Variants in USO1 observed in about 807,000 individuals in gnomAD.
USO1 encodes the protein USO1 vesicle transport factor.
Under a neutral mutation model 124.5 loss-of-function variants are expected in USO1, and 57 were observed. The observed-to-expected ratio is 0.46, with a 90% CI of 0.37 to 0.57. The LOEUF (loss-of-function observed/expected upper bound fraction) is 0.57, where lower values mean the gene tolerates loss of function less well. USO1 is among the 20% of genes least tolerant of loss of function. The pLI, the probability that USO1 is intolerant of heterozygous loss-of-function variation, is 0.00. For synonymous variants in USO1, 369 were observed against 362.8 expected (o/e 1.02, Z -0.19); for missense variants, 900 against 1,040.6 (o/e 0.86, Z 1.86).
intron 17 of USO1, among the ~76,000 whole-genome samples, chr4:75,801,461 C>T (rs1722850014): frequency 6.6e-6 from 1 of 152,178 alleles, no homozygotes; most frequent in Non-Finnish European, 1.5e-5. Flanking sequence ...TCCAGGATAC[C>T]AGTGAACTTT....
intron 1 of USO1, among the ~76,000 whole-genome samples, chr4:75,750,761 G>T (rs946505713): frequency 6.6e-5 from 10 of 152,106 alleles, no homozygotes; most frequent in African/African-American, 2.4e-4. Flanking sequence ...GAGATTACAG[G>T]TGTGAGCCAC....
chr4:75,810,347 T>G, intron 21 of USO1, 85 bp from the exon 22 acceptor site: 14 of 1,410,982 alleles, frequency 9.9e-6, no homozygotes, highest in Non-Finnish European at 1.3e-5. Flanking sequence ...AATATCAAAA[T>G]GGCAAAAAAA....
chr4:75,799,531 T>C, intron 13 of USO1, 91 bp from the exon 14 acceptor site: 1 of 1,436,062 alleles, frequency 7.0e-7, no homozygotes, highest in African/African-American at 1.4e-5. Context: ...GTTAAAGTTC[T>C]TTTCATGCAA....
intron 1 of USO1, among the ~76,000 whole-genome samples, chr4:75,726,281 C>G (rs866250886): frequency 1.3e-5 from 1 of 75,508 alleles, no homozygotes; most frequent in Non-Finnish European, 2.7e-5. Context: ...AACTCTGTCT[C>G]AAAAAAAAAA....
chr4:75,745,815 G>A (rs1332507099), intron 1 of USO1, among the ~76,000 whole-genome samples: 6 of 152,014 alleles, frequency 3.9e-5, no homozygotes, highest in Non-Finnish European at 5.9e-5. Flanking sequence ...TGAGAGAATC[G>A]CTTGAATCCA....
chr4:75,805,145 G>C lies in USO1; in HGVS notation c.2131G>C (p.Asp711His). Residue 711 changes from aspartate to histidine, a missense_variant, in exon 19 of 24, where the codon GAC becomes CAC. Asp to His is a moderately conservative substitution (Grantham distance 81). Around this residue, in one of 2 missense-constraint regions of USO1, gnomAD observed 362 missense variants for 359.0 expected, o/e 1.01. Coordinates refer to ENST00000514213, the MANE Select transcript of USO1 (RefSeq NM_003715.4). Reference sequence around the variant, plus strand: ...ATGTTATGTCTGTCTAACAGGAAAAGACAATCAGCATCAAGGTTCTTACAG... The same window carrying C: ...ATGTTATGTCTGTCTAACAGGAAAACACAATCAGCATCAAGGTTCTTACAG... ...YNLLKIQLGKDNQHQGSYSEG... is the reference protein window; with the variant it reads ...YNLLKIQLGKHNQHQGSYSEG... 1 of 1,578,172 alleles carries C rather than the reference G, an allele frequency of 6.3e-7. No homozygotes were observed. Among genetic ancestry groups the C allele is most frequent in the Non-Finnish European group, 8.6e-7 (1 of 1,167,422 alleles).
At chr4:75,751,996 C>G (rs2149154074) in intron 1 of USO1, among the ~76,000 whole-genome samples, 1 of 152,242 alleles carries the variant, frequency 6.6e-6, no homozygotes, top group African/African-American at 2.4e-5. Context: ...TAAACAATTA[C>G]TATTTTAAAA....
At chr4:75,749,844 T>C (rs375599368) in intron 1 of USO1, among the ~76,000 whole-genome samples, 2 of 151,598 alleles carry the variant, frequency 1.3e-5, no homozygotes, top group Non-Finnish European at 2.9e-5. Flanking sequence ...GCTCCGCCTC[T>C]AGGTTCATGC....
At chr4:75,760,159 C>T (rs557594313) in intron 4 of USO1, among the ~76,000 whole-genome samples, 25 of 151,950 alleles carry the variant, frequency 1.6e-4, no homozygotes, top group Non-Finnish European at 2.6e-4. Flanking sequence ...TTGCAGTGAG[C>T]GGAGATCGCA....
At chr4:75,778,858 G>A (rs1029050361) in intron 8 of USO1, among the ~76,000 whole-genome samples, 3 of 152,098 alleles carry the variant, frequency 2.0e-5, no homozygotes, top group African/African-American at 7.2e-5. Context: ...AATGATGGGG[G>A]AACTGGAAAG....
At chr4:75,779,705 G>T (rs1417503952) in intron 8 of USO1, among the ~76,000 whole-genome samples, 1 of 152,228 alleles carries the variant, frequency 6.6e-6, no homozygotes, top group Non-Finnish European at 1.5e-5. Flanking sequence ...TGCTGCGTGA[G>T]ATCTAAGGAA....
chr4:75,766,278 T>A (rs1236171429), intron 4 of USO1, among the ~76,000 whole-genome samples: 1 of 152,204 alleles, frequency 6.6e-6, no homozygotes, highest in Admixed American at 6.5e-5. Context: ...GATAACCTTA[T>A]AAGAATCCAA....
Position 75,800,401 on chromosome 4 carries a change from A to G in USO1, c.1614A>G (p.Gln538=). ...TTGGAGAAGAAGAGCAGTTGGTCCA[A>G]GGCTTATGTGCCCTTTTGTTGGGCA... ...ENLGEEEQLV[Q]GLCALLLGIS... Residue 538 remains glutamine, a synonymous_variant, in exon 15 of 24, where the codon CAA becomes CAG. Coordinates refer to ENST00000514213, the MANE Select transcript of USO1 (RefSeq NM_003715.4). 1 of 1,600,088 alleles carries G rather than the reference A, an allele frequency of 6.2e-7. No individual in the cohort carries two copies. Among genetic ancestry groups the G allele is most frequent in the Non-Finnish European group, 8.5e-7 (1 of 1,172,744 alleles).
At chr4:75,801,339 C>A in intron 17 of USO1, 139 bp downstream of exon 17, 1 of 1,032,060 alleles carries the variant, frequency 9.7e-7, no homozygotes, top group Non-Finnish European at 1.3e-6. Flanking sequence ...TCTGAGTATT[C>A]AACAAACAGA....
chr4:75,800,284 T>A, intron 14 of USO1, 67 bp from the exon 15 acceptor site: 1 of 1,498,208 alleles, frequency 6.7e-7, no homozygotes, highest in East Asian at 2.5e-5. Context: ...TATTAATGTA[T>A]GTCAAATTCA....
chr4:75,739,026 G>C (rs888241638), intron 1 of USO1, among the ~76,000 whole-genome samples: 2 of 151,870 alleles, frequency 1.3e-5, no homozygotes, highest in African/African-American at 4.8e-5. Flanking sequence ...CTAATTTTTT[G>C]TAACTTTAGT....
chr4:75,748,445 T>C (rs539795009), intron 1 of USO1, among the ~76,000 whole-genome samples: 1 of 152,224 alleles, frequency 6.6e-6, no homozygotes, highest in African/African-American at 2.4e-5. Context: ...CCTCTCAGCC[T>C]CCCAAAGTGC....
chr4:75,812,255 C>A lies in USO1; in HGVS notation c.2679C>A (p.Asp893Glu). 1 of 1,609,556 alleles carries A rather than the reference C, an allele frequency of 6.2e-7. No homozygotes were observed. The highest frequency in any genetic ancestry group is 8.5e-7 in the Non-Finnish European group (1 of 1,177,866). Reference protein sequence around the residue: ...STIAILQTEKDKLELEITDSK... With the variant: ...STIAILQTEKEKLELEITDSK... ...TTGCCATTTTACAAACTGAGAAAGA[C>A]AAACTAGAGTTGGAAATTACAGATT... The change falls in exon 23 of 24, where the codon GAC becomes GAA. Residue 893 changes from aspartate to glutamate, a missense_variant. This residue lies in a region of USO1 where 362 missense variants were observed against 359.0 expected (regional missense o/e 1.01). Coordinates refer to ENST00000514213, the MANE Select transcript of USO1 (RefSeq NM_003715.4).
rs1348213656 is a variant in USO1 at position 75,732,894 on chromosome 4, A to AAAAAAAAT, written c.66+8013_66+8014insAAATAAAA. The stretch of plus-strand genomic sequence containing the variant: ...TTCCATCTAAAAAAAAAAAAAAAAA[A>AAAAAAAAT]AAAAGTCATAGTTGGGGGAGTTCTG... On this transcript the variant is annotated intron_variant, in intron 1 of 23. Transcript: ENST00000514213. 4.0e-5 allele frequency among the ~76,000 whole-genome samples: 6 copies of AAAAAAAAT among 150,802 alleles called. No individual in the cohort carries two copies. In the East Asian group the frequency reaches 1.2e-3, roughly 29 times the overall value.
Sources: allele counts gnomAD v4.1 joint callset (sites outside exome capture counted in the v4.1 genomes callset), GRCh38; gene constraint gnomAD v4.1.1; regional missense constraint gnomAD v4.1.1; transcripts MANE v1.5; gene names NCBI Gene and HGNC (gene_info 2026-07-23, HGNC 2026-07-21).